The following DGKH variants were observed in gnomAD, a reference collection of about 807,000 sequenced individuals.
DGKH encodes diacylglycerol kinase eta.
DGKH carries 90 observed loss-of-function variants against 159.3 expected under a neutral mutation model. The ratio of observed to expected loss-of-function variants is 0.57; its 90% confidence interval spans 0.48 to 0.67. DGKH has a LOEUF of 0.67. Among genes scored for constraint, DGKH ranks in the 30% least tolerant of loss-of-function variants. DGKH has a pLI of 0.00. For missense variants in DGKH, 1,181 were observed against 1,506.1 expected (o/e 0.78, Z 3.57); for synonymous variants, 536 against 553.8 (o/e 0.97, Z 0.45).
intron 14 of DGKH, among the ~76,000 whole-genome samples, 200 bp downstream of exon 14, chr13:42,187,348 GCTGAAAA>G (rs1362254976): frequency 1.3e-5 from 2 of 152,082 alleles, no homozygotes; most frequent in Non-Finnish European, 2.9e-5. Context: ...AAACTGCATT[GCTGAAAA>G]CCTAACTCAA....
chr13:42,187,000 A>G (rs2138097282), intron 13 of DGKH, 49 bp from the exon 14 acceptor site: 1 of 1,487,046 alleles, frequency 6.7e-7, no homozygotes, highest in African/African-American at 1.4e-5. Context: ...AAATCAAGGC[A>G]AATTAATTCA....
chr13:42,199,914 GTTCATC>G lies in DGKH; in HGVS notation c.2493+8_2493+13del, dbSNP rs1477447948. Reference sequence around the variant, plus strand: ...GAACAAAGGGTTCAACTTGAGGTAAGTTCATCTTAAAGTAAAGATATTTCATATTAT... The same window carrying G: ...GAACAAAGGGTTCAACTTGAGGTAAGTTAAAGTAAAGATATTTCATATTAT... On this transcript the variant is annotated splice_donor_region_variant and intron_variant, in intron 20 of 29. Coordinates refer to ENST00000337343, the MANE Select transcript of DGKH (RefSeq NM_178009.5). The G allele has an allele frequency of 4.4e-6, 7 of 1,594,216 alleles. No homozygotes were observed. Among genetic ancestry groups the G allele is most frequent in the Non-Finnish European group, 6.0e-6 (7 of 1,173,332 alleles).
intron 3 of DGKH, among the ~76,000 whole-genome samples, chr13:42,151,662 T>C (rs1374298945): frequency 6.6e-6 from 1 of 150,422 alleles, no homozygotes; most frequent in Non-Finnish European, 1.5e-5. Context: ...TATATATATA[T>C]CACATTTTCT....
Position 42,232,602 on chromosome 13 carries a change from A to T in DGKH, c.*3414A>T, listed in dbSNP as rs1178668648. The T allele has an allele frequency of 6.6e-6, 1 of 152,184 alleles. No homozygotes were observed. Among genetic ancestry groups the T allele is most frequent in the Non-Finnish European group, 1.5e-5 (1 of 68,030 alleles). The allele number at this position is 152,184 out of a possible 1,614,324, so 9.4% of individuals were successfully genotyped here. A position where few individuals can be genotyped will look rare whatever the true frequency, so the allele number is the denominator to read the frequency against. ...AAATGACCCCTTTCATTTCTCGCTT[A>T]AGCATACATGGTGGGTCATTTAACT... On this transcript the variant is annotated 3_prime_UTR_variant, in exon 30 of 30. Transcript: ENST00000337343.
intron 3 of DGKH, among the ~76,000 whole-genome samples, chr13:42,151,431 G>A (rs926467023): frequency 4.0e-5 from 6 of 150,168 alleles, no homozygotes; most frequent in Admixed American, 6.6e-5. Context: ...CCATTATTCT[G>A]CAGAAGACAT....
intron 29 of DGKH, among the ~76,000 whole-genome samples, chr13:42,222,951 TAAGAA>T (rs1566211640): frequency 6.6e-6 from 1 of 152,236 alleles, no homozygotes; most frequent in African/African-American, 2.4e-5. Context: ...AGAAGATGGT[TAAGAA>T]TTATCTTAGA....
chr13:42,218,866 G>A (rs1289271074), intron 26 of DGKH, among the ~76,000 whole-genome samples: 1 of 152,020 alleles, frequency 6.6e-6, no homozygotes, highest in Admixed American at 6.6e-5. Flanking sequence ...TAGTAAGACT[G>A]CACACTTATA....
intron 1 of DGKH, among the ~76,000 whole-genome samples, chr13:42,109,945 A>G (rs1257249744): frequency 1.3e-5 from 2 of 152,190 alleles, no homozygotes; most frequent in Non-Finnish European, 2.9e-5. Context: ...TAACATATAT[A>G]TGTGTATCTA....
intron 1 of DGKH, among the ~76,000 whole-genome samples, chr13:42,105,257 G>T (rs1438606135): frequency 6.6e-6 from 1 of 152,112 alleles, no homozygotes. Flanking sequence ...GGGCCAGAGA[G>T]AGAGAGAGAG....
intron 3 of DGKH, chr13:42,137,993 C>A: frequency 5.7e-6 from 4 of 696,646 alleles, no homozygotes; most frequent in Non-Finnish European, 7.1e-6. Flanking sequence ...AACTTTCTAA[C>A]TTGAGTCATC....
chr13:42,041,543 T>G (rs1172477844), intron 1 of DGKH, among the ~76,000 whole-genome samples: 1 of 151,774 alleles, frequency 6.6e-6, no homozygotes, highest in Non-Finnish European at 1.5e-5. Context: ...GAACCAAGAG[T>G]AGTGTGTGTG....
At chr13:42,180,693 T>A (rs1168829878) in intron 13 of DGKH, among the ~76,000 whole-genome samples, 1 of 152,136 alleles carries the variant, frequency 6.6e-6, no homozygotes, top group Non-Finnish European at 1.5e-5. Context: ...GCAGCATCCC[T>A]CCTGTCACTC....
At chr13:42,085,411 T>TACAC (rs1187806552) in intron 1 of DGKH, among the ~76,000 whole-genome samples, 1 of 152,204 alleles carries the variant, frequency 6.6e-6, no homozygotes, top group Non-Finnish European at 1.5e-5. Context: ...CACTCTGAGA[T>TACAC]ACATTGCTGT....
At chr13:42,221,560 A>C (rs184057272) in intron 29 of DGKH, among the ~76,000 whole-genome samples, 166 bp downstream of exon 29, 1 of 152,318 alleles carries the variant, frequency 6.6e-6, no homozygotes, top group Admixed American at 6.5e-5. Context: ...GCTTTTTAAC[A>C]AGAATGTCAG....
chr13:42,046,346 A>G (rs1171854756), upstream of DGKH, among the ~76,000 whole-genome samples: 2 of 152,240 alleles, frequency 1.3e-5, no homozygotes, highest in East Asian at 3.8e-4. Flanking sequence ...GGTGAAGTAC[A>G]TTGCAGGTAC....
At position 42,178,128 on chromosome 13, in the gene DGKH, T is replaced by A. The variant is rs1956653123; in HGVS notation, c.1453-7T>A. ...AATAATACAGTGTAGAGTTTTCTTT[T>A]CTTCAGATGACGATTTATGAAGACT... On this transcript the variant is annotated splice_region_variant and splice_polypyrimidine_tract_variant and intron_variant, in intron 12 of 29. Coordinates refer to ENST00000337343, the MANE Select transcript of DGKH (RefSeq NM_178009.5). 6.2e-7 allele frequency: 1 copy of A among 1,604,336 alleles called. No homozygotes were observed. Among genetic ancestry groups the A allele is most frequent in the African/African-American group, 1.3e-5 (1 of 74,632 alleles).
chr13:42,106,780 A>G (rs752169401), intron 1 of DGKH, among the ~76,000 whole-genome samples: 2 of 152,220 alleles, frequency 1.3e-5, no homozygotes, highest in Non-Finnish European at 2.9e-5. Context: ...GCGGTGGCTC[A>G]TGCCTGTAAT....
At position 42,199,927 on chromosome 13, in the gene DGKH, T is replaced by C; in HGVS notation, c.2493+18T>C. 1 of 1,579,682 alleles carries C rather than the reference T, an allele frequency of 6.3e-7. No homozygotes were observed. The highest frequency in any genetic ancestry group is 8.6e-7 in the Non-Finnish European group (1 of 1,163,526). ...AACTTGAGGTAAGTTCATCTTAAAG[T>C]AAAGATATTTCATATTATCTTACTT... On this transcript the variant is annotated intron_variant, in intron 20 of 29. Coordinates refer to ENST00000337343, the MANE Select transcript of DGKH (RefSeq NM_178009.5).
At chr13:42,075,467 A>G (rs1954076546) in intron 1 of DGKH, among the ~76,000 whole-genome samples, 1 of 152,210 alleles carries the variant, frequency 6.6e-6, no homozygotes, top group Admixed American at 6.5e-5. Flanking sequence ...AACTTCCACT[A>G]TCATTATTTT....
Sources: allele counts gnomAD v4.1 joint callset (sites outside exome capture counted in the v4.1 genomes callset), GRCh38; gene constraint gnomAD v4.1.1; transcripts MANE v1.5; gene names NCBI Gene and HGNC (gene_info 2026-07-23, HGNC 2026-07-21).